CPQ: variants seen among roughly 807,000 people sequenced by gnomAD.
CPQ encodes the protein carboxypeptidase Q.
CPQ carries 37 observed loss-of-function variants against 45.7 expected under a neutral mutation model. That is an observed-to-expected ratio of 0.81 (90% confidence interval 0.62 to 1.07). The LOEUF (loss-of-function observed/expected upper bound fraction) is 1.07. CPQ is among the 50% of genes least tolerant of loss of function. The probability of loss-of-function intolerance (pLI) is 0.00; values close to 1 mark genes in which losing one functional copy is unlikely to be tolerated. For missense variants in CPQ, 537 were observed against 572.9 expected (o/e 0.94, Z 0.64); for synonymous variants, 186 against 205.8 (o/e 0.90, Z 0.82).
chr8:96,725,238 T>A (rs1229891377), intron 1 of CPQ, among the ~76,000 whole-genome samples: 1 of 152,204 alleles, frequency 6.6e-6, no homozygotes, highest in Non-Finnish European at 1.5e-5. Context: ...AAGTGGTACC[T>A]AGTTAAACTA....
intron 5 of CPQ, among the ~76,000 whole-genome samples, chr8:96,992,943 A>T (rs1809119725): frequency 6.6e-6 from 1 of 152,196 alleles, no homozygotes; most frequent in African/African-American, 2.4e-5. Flanking sequence ...ACAAATGGGC[A>T]GAACACAATG....
intron 1 of CPQ, among the ~76,000 whole-genome samples, chr8:96,734,281 T>C (rs931537630): frequency 1.3e-5 from 2 of 152,220 alleles, no homozygotes; most frequent in Non-Finnish European, 2.9e-5. Context: ...TCTCTTTAAG[T>C]AGGCTGCTAC....
chr8:96,675,167 G>A (rs1276832649), intron 1 of CPQ, among the ~76,000 whole-genome samples: 2 of 152,010 alleles, frequency 1.3e-5, no homozygotes, highest in Non-Finnish European at 2.9e-5. Flanking sequence ...AGTATGTAGT[G>A]AAATGTAAGT....
chr8:97,058,612 A>C (rs962395188), intron 6 of CPQ, among the ~76,000 whole-genome samples: 2 of 152,168 alleles, frequency 1.3e-5, no homozygotes, highest in African/African-American at 4.8e-5. Flanking sequence ...ACCTGTTAGA[A>C]GAGGGGACTG....
At chr8:96,668,949 T>G (rs1808963848) in intron 1 of CPQ, among the ~76,000 whole-genome samples, 1 of 151,940 alleles carries the variant, frequency 6.6e-6, no homozygotes, top group Non-Finnish European at 1.5e-5. Flanking sequence ...AAAACAAAAC[T>G]TTTAAAAAGT....
intron 2 of CPQ, among the ~76,000 whole-genome samples, chr8:96,817,572 A>G (rs1202841508): frequency 6.6e-6 from 1 of 150,770 alleles, no homozygotes; most frequent in South Asian, 2.1e-4. Flanking sequence ...CAATAAGACT[A>G]TTTTGCTTTC....
At chr8:96,843,164 C>T (rs536420378) in intron 3 of CPQ, among the ~76,000 whole-genome samples, 81 of 152,184 alleles carry the variant, frequency 5.3e-4, no homozygotes, top group African/African-American at 1.9e-3. Context: ...GCCTTGGCTC[C>T]CAAAGTACTG....
chr8:97,075,999 ATTTGTT>A (rs879298315), intron 7 of CPQ, among the ~76,000 whole-genome samples: 1 of 151,886 alleles, frequency 6.6e-6, no homozygotes, highest in Non-Finnish European at 1.5e-5. Context: ...ACTTGGTTTT[ATTTGTT>A]TTTGTTTTTG....
intron 2 of CPQ, among the ~76,000 whole-genome samples, chr8:96,792,317 C>T (rs1163971220): frequency 1.3e-5 from 2 of 152,174 alleles, no homozygotes; most frequent in Admixed American, 1.3e-4. Context: ...TCAACAGTCA[C>T]ATCTGGGACA....
At chr8:96,671,912 G>A (rs1023406991) in intron 1 of CPQ, among the ~76,000 whole-genome samples, 1 of 152,134 alleles carries the variant, frequency 6.6e-6, no homozygotes, top group Non-Finnish European at 1.5e-5. Flanking sequence ...TGTTTAGCTT[G>A]AGTGATAGTT....
At chr8:96,961,531 A>G (rs1813461428) in intron 4 of CPQ, among the ~76,000 whole-genome samples, 1 of 152,188 alleles carries the variant, frequency 6.6e-6, no homozygotes, top group Non-Finnish European at 1.5e-5. Context: ...GATGAACATA[A>G]AGCCTTCATT....
intron 2 of CPQ, among the ~76,000 whole-genome samples, chr8:96,812,650 T>A (rs1476276219): frequency 6.6e-6 from 1 of 152,088 alleles, no homozygotes; most frequent in Non-Finnish European, 1.5e-5. Context: ...AAGAGATCTT[T>A]AGATAAGAAC....
chr8:96,914,794 A>G (rs780567961), intron 4 of CPQ, among the ~76,000 whole-genome samples: 1 of 152,200 alleles, frequency 6.6e-6, no homozygotes, highest in Non-Finnish European at 1.5e-5. Flanking sequence ...GATGCCAGGA[A>G]CAAGGCGATT....
chr8:96,898,615 G>A, intron 4 of CPQ, among the ~76,000 whole-genome samples: 1 of 141,868 alleles, frequency 7.0e-6, no homozygotes, highest in African/African-American at 2.6e-5. Flanking sequence ...ATCACACTCT[G>A]GGGACTGTGG....
intron 4 of CPQ, among the ~76,000 whole-genome samples, chr8:96,880,574 T>A (rs12707737): frequency 8.7e-6 from 1 of 114,936 alleles, no homozygotes; most frequent in African/African-American, 3.6e-5. Flanking sequence ...TATATATATA[T>A]ATACCATGGA....
At chr8:96,772,940 T>C (rs546665557) in intron 1 of CPQ, among the ~76,000 whole-genome samples, 58 of 152,186 alleles carry the variant, frequency 3.8e-4, no homozygotes, top group African/African-American at 1.3e-3. Context: ...TTTAAGAAAA[T>C]CCATAATAGA....
At chr8:96,842,382 C>A (rs1351279606) in intron 3 of CPQ, among the ~76,000 whole-genome samples, 1 of 152,092 alleles carries the variant, frequency 6.6e-6, no homozygotes, top group African/African-American at 2.4e-5. Context: ...AAGGAAAATA[C>A]CACTGGGACT....
chr8:96,964,907 T>C (rs192725529), intron 4 of CPQ, among the ~76,000 whole-genome samples: 325 of 152,260 alleles, frequency 2.1e-3, no homozygotes, highest in Non-Finnish European at 3.3e-3. Context: ...CAATATTCTA[T>C]ATACCCCAGC....
chr8:96,667,128 A>G (rs1001233260), intron 1 of CPQ, among the ~76,000 whole-genome samples: 4 of 152,162 alleles, frequency 2.6e-5, no homozygotes, highest in African/African-American at 4.8e-5. Context: ...CCATTTGGAC[A>G]TTACAGAGAG....
Sources: allele counts gnomAD v4.1 joint callset (sites outside exome capture counted in the v4.1 genomes callset), GRCh38; gene constraint gnomAD v4.1.1; transcripts MANE v1.5; gene names NCBI Gene and HGNC (gene_info 2026-07-23, HGNC 2026-07-21).